The following RBFOX1 variants were observed in gnomAD, a reference collection of about 807,000 sequenced individuals.
RBFOX1 encodes RNA binding protein fox-1 homolog 1.
Under a neutral mutation model 57.7 loss-of-function variants are expected in RBFOX1, and 8 were observed. That is an observed-to-expected ratio of 0.14 (90% CI 0.08 to 0.25). The LOEUF (loss-of-function observed/expected upper bound fraction) is 0.25. RBFOX1 is among the 10% of genes least tolerant of loss of function. RBFOX1 has a pLI of 1.00. For synonymous variants in RBFOX1, 326 were observed against 222.4 expected, an observed-to-expected ratio of 1.47 and a Z score of -4.15; for missense variants, 611 against 548.5, an observed-to-expected ratio of 1.11 and a Z score of -1.14.
intron 14 of RBFOX1, among the ~76,000 whole-genome samples, chr16:7,685,390 C>G (rs1333755818): frequency 6.6e-6 from 1 of 152,088 alleles, no homozygotes; most frequent in South Asian, 2.1e-4. Flanking sequence ...ATTCTTTACC[C>G]CAAAAGATCC....
intron 4 of RBFOX1, among the ~76,000 whole-genome samples, chr16:7,155,087 T>C (rs2076822135): frequency 6.6e-6 from 1 of 152,166 alleles, no homozygotes; most frequent in Non-Finnish European, 1.5e-5. Context: ...AAGGTATCAA[T>C]GCAAACTCTC....
intron 4 of RBFOX1, among the ~76,000 whole-genome samples, chr16:5,983,964 CCTTCTTCCTCTT>C (rs1160259399): frequency 1.4e-5 from 2 of 141,360 alleles, no homozygotes; most frequent in East Asian, 2.2e-4. Flanking sequence ...TCTTCTTCTT[CCTTCTTCCTCTT>C]CTTCTTCCTC....
At chr16:6,962,029 A>T (rs1264757709) in intron 3 of RBFOX1, among the ~76,000 whole-genome samples, 7 of 152,270 alleles carry the variant, frequency 4.6e-5, no homozygotes, top group South Asian at 4.1e-4. Context: ...CCCAGCCCCT[A>T]TTCAAGATGG....
At chr16:5,365,068 G>A (rs1271723545) in intron 1 of RBFOX1, among the ~76,000 whole-genome samples, 2 of 152,102 alleles carry the variant, frequency 1.3e-5, no homozygotes, top group African/African-American at 4.8e-5. Flanking sequence ...GAGGGAGTGG[G>A]GAAGAGATGA....
intron 1 of RBFOX1, among the ~76,000 whole-genome samples, chr16:6,256,173 A>G (rs113073797): frequency 7.8e-4 from 11 of 14,080 alleles, no homozygotes; most frequent in African/African-American, 1.5e-3. Context: ...ATATATATGT[A>G]TATATATATA....
At chr16:5,585,263 T>C (rs1197907368) in intron 2 of RBFOX1, among the ~76,000 whole-genome samples, 1 of 152,192 alleles carries the variant, frequency 6.6e-6, no homozygotes, top group Admixed American at 6.5e-5. Flanking sequence ...AATTATGCAA[T>C]GTATGGTATT....
chr16:5,598,234 A>AT (rs1316529418), intron 2 of RBFOX1, among the ~76,000 whole-genome samples: 1 of 151,818 alleles, frequency 6.6e-6, no homozygotes, highest in Non-Finnish European at 1.5e-5. Flanking sequence ...AAAAAAAAAA[A>AT]AATAAATAAA....
intron 14 of RBFOX1, among the ~76,000 whole-genome samples, chr16:7,683,034 A>ATATATATATATATATATATATATATATAT (rs1568439301): frequency 1.1e-5 from 1 of 92,578 alleles, no homozygotes; most frequent in Non-Finnish European, 2.2e-5. Context: ...ATATATATAT[A>ATATATATATATATATATATATATATATAT]AAACAGTGCT....
intron 4 of RBFOX1, among the ~76,000 whole-genome samples, chr16:7,256,800 C>G (rs1012809286): frequency 1.3e-5 from 2 of 152,166 alleles, no homozygotes; most frequent in Non-Finnish European, 2.9e-5. Context: ...TTGGACCAGT[C>G]ACCAGCTCTC....
intron 2 of RBFOX1, among the ~76,000 whole-genome samples, chr16:6,597,752 C>T (rs1245535490): frequency 6.6e-6 from 1 of 152,120 alleles, no homozygotes; most frequent in Admixed American, 6.6e-5. Flanking sequence ...GGAAAGGTAG[C>T]CAGGATTTTC....
intron 1 of RBFOX1, among the ~76,000 whole-genome samples, chr16:6,245,767 G>C (rs1376659795): frequency 6.6e-6 from 1 of 152,192 alleles, no homozygotes; most frequent in African/African-American, 2.4e-5. Flanking sequence ...CTACTCAGCA[G>C]TGAAACAAGA....
intron 11 of RBFOX1, among the ~76,000 whole-genome samples, chr16:7,648,120 T>G (rs897937591): frequency 6.6e-6 from 1 of 152,204 alleles, no homozygotes; most frequent in East Asian, 1.9e-4. Context: ...CAGTTGTGTG[T>G]GTGCATGTGT....
chr16:6,980,359 C>A, intron 3 of RBFOX1, among the ~76,000 whole-genome samples: 1 of 152,106 alleles, frequency 6.6e-6, no homozygotes, highest in Non-Finnish European at 1.5e-5. Flanking sequence ...AACATGTAAC[C>A]ATTTCTTTTG....
intron 1 of RBFOX1, among the ~76,000 whole-genome samples, chr16:5,298,473 TTCCCCTCCCCTCCCC>T (rs1227944549): frequency 3.1e-5 from 1 of 31,802 alleles, no homozygotes; most frequent in Non-Finnish European, 5.2e-5. Context: ...TCCCTTCCCC[TTCCCCTCCCCTCCCC>T]TCGCCTCCCC....
chr16:6,394,398 C>G (rs916352359), intron 2 of RBFOX1, among the ~76,000 whole-genome samples: 4 of 152,156 alleles, frequency 2.6e-5, no homozygotes, highest in Non-Finnish European at 2.9e-5. Context: ...AGAGAACTAA[C>G]TGAACTGAAT....
intron 1 of RBFOX1, among the ~76,000 whole-genome samples, chr16:6,309,519 C>T (rs978063516): frequency 2.0e-5 from 3 of 152,098 alleles, no homozygotes; most frequent in African/African-American, 4.8e-5. Flanking sequence ...TGGCAGAGTG[C>T]GCCTGACAGG....
intron 4 of RBFOX1, among the ~76,000 whole-genome samples, chr16:7,501,151 C>T (rs988321971): frequency 1.3e-5 from 2 of 152,120 alleles, no homozygotes; most frequent in African/African-American, 4.8e-5. Context: ...TAATATAACC[C>T]AGCTGAGATA....
intron 4 of RBFOX1, among the ~76,000 whole-genome samples, chr16:7,244,989 TCACAGTG>T (rs1356343450): frequency 2.0e-5 from 3 of 152,222 alleles, no homozygotes; most frequent in Non-Finnish European, 4.4e-5. Flanking sequence ...ATGCCTGCCT[TCACAGTG>T]CAGCTGCTCC....
At chr16:5,710,056 C>A (rs932715201) in intron 3 of RBFOX1, among the ~76,000 whole-genome samples, 2 of 150,706 alleles carry the variant, frequency 1.3e-5, no homozygotes, top group Admixed American at 6.6e-5. Context: ...GCCCATGTAT[C>A]TTCAGCACCC....
Sources: allele counts gnomAD v4.1 joint callset (sites outside exome capture counted in the v4.1 genomes callset), GRCh38; gene constraint gnomAD v4.1.1; transcripts MANE v1.5; gene names NCBI Gene and HGNC (gene_info 2026-07-23, HGNC 2026-07-21).